Variants in SEMA3F observed in about 807,000 individuals in gnomAD.
The protein encoded by SEMA3F is semaphorin-3F.
In SEMA3F, 30 loss-of-function variants were observed where a neutral mutation model predicts 98.5. The ratio of observed to expected loss-of-function variants is 0.30; its 90% CI spans 0.23 to 0.41. SEMA3F has a LOEUF of 0.41. Among genes scored for constraint, SEMA3F ranks in the 10% least tolerant of loss-of-function variants. The pLI is 1.00. For missense variants in SEMA3F, 866 were observed against 1,119.3 expected (o/e 0.77, Z 3.23); for synonymous variants, 380 against 444.8 (o/e 0.85, Z 1.83).
Position 50,159,719 on chromosome 3 carries a change from C to G in SEMA3F, c.97C>G (p.Arg33Gly), listed in dbSNP as rs149285597. 6 of 1,609,574 alleles carry G rather than the reference C, an allele frequency of 3.7e-6. No individual in the cohort carries two copies. The African/African-American group carries it at 4.0e-5, about 11-fold the overall frequency. ...CCACCTCCCGGCCACGCCCCGGGTCCGGCTCTCATTCAAAGGTAAGAAGCT... is the reference window on the plus strand; with the variant it reads ...CCACCTCCCGGCCACGCCCCGGGTCGGGCTCTCATTCAAAGGTAAGAAGCT... ...QDHLPATPRV[R>G]LSFKELKATG... Residue 33 changes from arginine (R) to glycine (G), a missense_variant, in exon 2 of 19, where the codon CGG (arginine) becomes GGG (glycine). Around this residue, in one of 3 missense-constraint regions of SEMA3F, gnomAD observed 247 missense variants for 276.0 expected, o/e 0.89. Coordinates refer to ENST00000002829, the MANE Select transcript of SEMA3F (RefSeq NM_004186.5).
At position 50,186,761 on chromosome 3, in the gene SEMA3F, C is replaced by T. The variant is rs769604824; in HGVS notation, c.1947+15C>T. 5 of 1,591,012 alleles carry T rather than the reference C, an allele frequency of 3.1e-6. No homozygotes were observed. Among genetic ancestry groups the T allele is most frequent in the Non-Finnish European group, 4.3e-6 (5 of 1,163,474 alleles). ...GGCGCCGAGAGGTGAGTTCCTGCGC[C>T]CGGTGCTGCACCGTGGATGTGAGTC... On this transcript the variant is annotated intron_variant, in intron 18 of 18. Coordinates refer to ENST00000002829, the MANE Select transcript of SEMA3F (RefSeq NM_004186.5).
intron 2 of SEMA3F, among the ~76,000 whole-genome samples, chr3:50,163,702 G>T (rs903796482): frequency 1.1e-4 from 17 of 152,238 alleles, no homozygotes; most frequent in Admixed American, 1.1e-3. Flanking sequence ...GCCAGCCAGA[G>T]CAAGGCATGG....
rs183762767 is a variant in SEMA3F at position 50,182,450 on chromosome 3, C to T, written c.763+47C>T. 2,070 of 1,609,164 alleles carry T rather than the reference C, an allele frequency of 1.3e-3. 32 individuals carry two copies. The African/African-American group carries it at 0.023, about 18-fold the overall frequency. On this transcript the variant is annotated intron_variant, in intron 8 of 18. Coordinates refer to ENST00000002829, the MANE Select transcript of SEMA3F (RefSeq NM_004186.5). The surrounding 1 kb of genome is among the most constrained non-coding windows in gnomAD (Gnocchi z 4.5). ...CTTCCGTGGCCATGTGTCTGGGATG[C>T]GGCAAGGAGGTCGTAAAGAAGCACA...
chr3:50,179,266 C>T (rs1262398563), intron 7 of SEMA3F, among the ~76,000 whole-genome samples: 1 of 152,012 alleles, frequency 6.6e-6, no homozygotes, highest in Admixed American at 6.6e-5. Flanking sequence ...ATTGATTTCT[C>T]CTTGATAGCC....
chr3:50,173,771 G>A (rs1296472491), intron 2 of SEMA3F, 22 bp from the exon 3 acceptor site: 1 of 1,612,010 alleles, frequency 6.2e-7, no homozygotes. Context: ...GTCCTAATTG[G>A]TGCCCTGCCC....
chr3:50,170,887 T>TC (rs905954349), intron 2 of SEMA3F, among the ~76,000 whole-genome samples: 2 of 151,616 alleles, frequency 1.3e-5, no homozygotes, highest in Non-Finnish European at 2.9e-5. Flanking sequence ...CTGGGAGGGG[T>TC]CCCGCAGGTC....
Position 50,175,122 on chromosome 3 carries a change from G to A in SEMA3F, c.483G>A (p.Ala161=), listed in dbSNP as rs762426156. Residue 161 remains alanine, a synonymous_variant, in exon 6 of 19, where the codon GCG becomes GCA. Transcript: ENST00000002829. ...CCACACCATGGACCCAGACTCAGGC[G>A]GTCAGAGGCCGCGGCAGCAGAGCCA... The part of the protein sequence containing the change: ...AQATPWTQTQ[A]VRGRGSRATD... The A allele has an allele frequency of 8.1e-6, 13 of 1,611,310 alleles. No homozygotes were observed. The Admixed American group carries it at 8.4e-5, about 10-fold the overall frequency.
chr3:50,169,301 G>A (rs535020612), intron 2 of SEMA3F, among the ~76,000 whole-genome samples: 2 of 152,268 alleles, frequency 1.3e-5, no homozygotes, highest in South Asian at 2.1e-4. Flanking sequence ...ATGAGGGACC[G>A]GGGGCCCCCA....
intron 18 of SEMA3F, 58 bp downstream of exon 18, chr3:50,186,804 TGTA>T (rs1699240146): frequency 4.0e-6 from 6 of 1,490,388 alleles, no homozygotes; most frequent in Non-Finnish European, 5.4e-6. Flanking sequence ...AGTGGTGAAA[TGTA>T]GTAGAGGAGT....
At chr3:50,170,806 C>A (rs1698571046) in intron 2 of SEMA3F, among the ~76,000 whole-genome samples, 1 of 152,202 alleles carries the variant, frequency 6.6e-6, no homozygotes, top group Non-Finnish European at 1.5e-5. Flanking sequence ...CCTCCCCCCA[C>A]ACTGTTTCCA....
At position 50,155,826 on chromosome 3, in the gene SEMA3F, T is replaced by A. The variant is rs1697955785; in HGVS notation, c.-49+262T>A. On this transcript the variant is annotated intron_variant, in intron 1 of 18. Transcript: ENST00000002829. This position sits in a 1 kb window ranked among gnomAD's most constrained non-coding sequence, Gnocchi z 4.9. ...GGGTCACCCATGTGCAAAGCAACTT[T>A]TTCCTGCAAGGTTCTGGGTGGGTGC... is the stretch of plus-strand genomic sequence containing the variant. 1 of 171,648 alleles carries A rather than the reference T, an allele frequency of 5.8e-6. No homozygotes were observed. Among genetic ancestry groups the A allele is most frequent in the African/African-American group, 2.4e-5 (1 of 42,028 alleles). 10.6% of individuals were successfully genotyped at this position (171,648 alleles called of 1,614,324 possible).
intron 13 of SEMA3F, 46 bp from the exon 14 acceptor site, chr3:50,185,397 C>T (rs1391589735): frequency 1.5e-5 from 20 of 1,327,888 alleles, no homozygotes; most frequent in Non-Finnish European, 2.0e-5. Context: ...GGTACCCCTT[C>T]CCCAGCATCC....
At chr3:50,164,530 C>T (rs1038349339) in intron 2 of SEMA3F, among the ~76,000 whole-genome samples, 1 of 152,114 alleles carries the variant, frequency 6.6e-6, no homozygotes, top group African/African-American at 2.4e-5. Context: ...GCCATGGGTA[C>T]CTGGTCCTTG....
At chr3:50,185,008 T>C (rs937851562) in intron 13 of SEMA3F, among the ~76,000 whole-genome samples, 194 bp downstream of exon 13, 16 of 152,286 alleles carry the variant, frequency 1.1e-4, no homozygotes, top group Non-Finnish European at 2.4e-4. Flanking sequence ...CATTCCCACT[T>C]CCATCCCCAG....
intron 2 of SEMA3F, among the ~76,000 whole-genome samples, chr3:50,167,514 C>T (rs1312436649): frequency 2.0e-5 from 3 of 152,332 alleles, no homozygotes; most frequent in South Asian, 2.1e-4. Flanking sequence ...TGGGGCGGAA[C>T]GGGCGTGGGA....
chr3:50,159,109 C>G (rs1437007060), intron 1 of SEMA3F: 1 of 153,398 alleles, frequency 6.5e-6, no homozygotes, highest in Non-Finnish European at 1.5e-5. Flanking sequence ...CCGTAATAAT[C>G]AGGTCCAGGT....
At chr3:50,177,012 G>A in intron 7 of SEMA3F, 151 bp downstream of exon 7, 2 of 668,852 alleles carry the variant, frequency 3.0e-6, no homozygotes, top group Non-Finnish European at 2.6e-6. Flanking sequence ...GGGGGAGAGG[G>A]TGCAGGCCAG....
rs1006574994 is a variant in SEMA3F at position 50,156,582 on chromosome 3, G to C, written c.-49+1018G>C. On this transcript the variant is annotated intron_variant, in intron 1 of 18. Coordinates refer to ENST00000002829, the MANE Select transcript of SEMA3F (RefSeq NM_004186.5). The surrounding 1 kb of genome is among the most constrained non-coding windows in gnomAD (Gnocchi z 4.5). ...CAGAGAAGGGAAAACTGCACCCAGG[G>C]GTTGGGAGCCCCATCTCAGCCCAGG... Among the ~76,000 whole-genome samples, 1 of 152,204 alleles carries C rather than the reference G, an allele frequency of 6.6e-6. No homozygotes were observed. Among genetic ancestry groups the C allele is most frequent in the African/African-American group, 2.4e-5 (1 of 41,446 alleles).
At chr3:50,174,414 G>A in intron 5 of SEMA3F, 64 bp downstream of exon 5, 1 of 1,545,010 alleles carries the variant, frequency 6.5e-7, no homozygotes, top group Non-Finnish European at 8.7e-7. Flanking sequence ...GGGTCCTGAT[G>A]GGAGGAGGGG....
Sources: gnomAD v4.1 joint callset for allele counts (sites outside exome capture counted in the v4.1 genomes callset) on GRCh38, gnomAD v4.1.1 for gene constraint, gnomAD v4.1.1 regional missense constraint, Gnocchi (gnomAD v3.1) non-coding constraint, MANE v1.5 for transcripts, NCBI Gene and HGNC (gene_info 2026-07-23, HGNC 2026-07-21) for gene names.